The following SEMA3A variants were observed in gnomAD, a reference collection of about 807,000 sequenced individuals.
SEMA3A encodes the protein semaphorin-3A.
A neutral mutation model predicts 97.9 loss-of-function variants in SEMA3A; 29 were observed. The observed-to-expected ratio is 0.30, with a 90% CI of 0.22 to 0.40. SEMA3A has a LOEUF of 0.40. Ranked by LOEUF, SEMA3A falls within the 10% of genes least tolerant of loss-of-function variation. SEMA3A has a pLI of 1.00. For synonymous variants in SEMA3A, 321 were observed against 323.7 expected (o/e 0.99, Z 0.09); for missense variants, 763 against 951.3 (o/e 0.80, Z 2.60).
chr7:84,321,882 A>AT, intron 2 of SEMA3A, among the ~76,000 whole-genome samples: 1 of 133,762 alleles, frequency 7.5e-6, no homozygotes, highest in South Asian at 2.5e-4. Context: ...GAAAAAAAAA[A>AT]AAAAAAAAAA....
At chr7:83,989,470 C>A (rs1376687305) in intron 12 of SEMA3A, among the ~76,000 whole-genome samples, 10 of 118,706 alleles carry the variant, frequency 8.4e-5, no homozygotes, top group Admixed American at 4.8e-4. Flanking sequence ...CTCCCCCCTC[C>A]CCCCACCCCA....
intron 2 of SEMA3A, among the ~76,000 whole-genome samples, chr7:84,353,034 T>G (rs1802472898): frequency 6.6e-6 from 1 of 151,822 alleles, no homozygotes; most frequent in South Asian, 2.1e-4. Context: ...GAATCTCAAG[T>G]CACAGATATA....
chr7:84,453,986 T>C (rs779768448), intron 1 of SEMA3A, among the ~76,000 whole-genome samples: 7 of 152,156 alleles, frequency 4.6e-5, no homozygotes, highest in African/African-American at 7.2e-5. Flanking sequence ...GGTGGACTTA[T>C]AAATTATTCT....
At chr7:84,395,798 G>C (rs1162277743) in intron 1 of SEMA3A, among the ~76,000 whole-genome samples, 1 of 152,082 alleles carries the variant, frequency 6.6e-6, no homozygotes, top group East Asian at 1.9e-4. Flanking sequence ...TCTCAGCCAT[G>C]CAGTACTGTG....
chr7:84,276,316 C>T (rs931479265), intron 3 of SEMA3A, among the ~76,000 whole-genome samples: 2 of 151,996 alleles, frequency 1.3e-5, no homozygotes, highest in African/African-American at 2.4e-5. Flanking sequence ...CCTTTTAACC[C>T]TTATGTCTCT....
intron 1 of SEMA3A, among the ~76,000 whole-genome samples, chr7:84,482,864 G>GTTTTT (rs11396239): frequency 1.8e-4 from 25 of 139,864 alleles, no homozygotes; most frequent in African/African-American, 5.2e-4. Context: ...CAAAATTCTA[G>GTTTTT]TTTTTTTTTT....
intron 13 of SEMA3A, among the ~76,000 whole-genome samples, chr7:83,983,410 G>A (rs565820851): frequency 1.4e-5 from 2 of 147,310 alleles, no homozygotes; most frequent in Non-Finnish European, 3.0e-5. Context: ...TCTCTGTTTC[G>A]CCAATAACGT....
intron 1 of SEMA3A, among the ~76,000 whole-genome samples, chr7:84,411,101 CAGAG>C (rs1804252063): frequency 6.6e-6 from 1 of 151,888 alleles, no homozygotes; most frequent in South Asian, 2.1e-4. Context: ...GTTTATGAGA[CAGAG>C]GGAGAGAAAA....
intron 4 of SEMA3A, among the ~76,000 whole-genome samples, chr7:84,065,895 A>T (rs1172887320): frequency 6.6e-6 from 1 of 151,798 alleles, no homozygotes; most frequent in Non-Finnish European, 1.5e-5. Context: ...ATAGAAAAAG[A>T]GGGAATCCTC....
intron 3 of SEMA3A, among the ~76,000 whole-genome samples, chr7:84,244,565 T>G (rs1298664711): frequency 6.6e-6 from 1 of 152,190 alleles, no homozygotes; most frequent in African/African-American, 2.4e-5. Context: ...TGTCTTTTAA[T>G]TGGGGCATTT....
chr7:84,116,125 A>G (rs191977932), intron 3 of SEMA3A, among the ~76,000 whole-genome samples: 1 of 152,222 alleles, frequency 6.6e-6, no homozygotes, highest in Admixed American at 6.5e-5. Context: ...TTTCTACCCC[A>G]TCTTGCCTAA....
At chr7:84,468,670 C>G (rs1806065853) in intron 1 of SEMA3A, among the ~76,000 whole-genome samples, 2 of 151,922 alleles carry the variant, frequency 1.3e-5, no homozygotes. Context: ...TAATATCAGT[C>G]AAGAAGAATG....
At chr7:84,265,493 T>TTA (rs1238081869) in intron 3 of SEMA3A, among the ~76,000 whole-genome samples, 59 of 147,374 alleles carry the variant, frequency 4.0e-4, no homozygotes, top group Non-Finnish European at 1.5e-5. Context: ...ATAAAATATA[T>TTA]TATATATCAT....
intron 3 of SEMA3A, among the ~76,000 whole-genome samples, chr7:84,304,144 G>A (rs1345732078): frequency 6.6e-6 from 1 of 152,132 alleles, no homozygotes; most frequent in African/African-American, 2.4e-5. Flanking sequence ...GCATTCAAAA[G>A]AAGCTCCTCA....
chr7:84,431,947 T>C (rs185642656), intron 1 of SEMA3A, among the ~76,000 whole-genome samples: 2 of 152,152 alleles, frequency 1.3e-5, no homozygotes, highest in East Asian at 3.9e-4. Context: ...TCTGGTGAGT[T>C]CAGGGCAGGT....
chr7:84,487,958 A>T (rs372888840), intron 1 of SEMA3A, among the ~76,000 whole-genome samples: 1 of 152,064 alleles, frequency 6.6e-6, no homozygotes, highest in Non-Finnish European at 1.5e-5. Flanking sequence ...GAACTTCCTC[A>T]TGTTCATTCC....
chr7:84,234,126 G>GGGTGTTA (rs1330893201), intron 3 of SEMA3A, among the ~76,000 whole-genome samples: 3 of 151,958 alleles, frequency 2.0e-5, no homozygotes, highest in Admixed American at 6.6e-5. Flanking sequence ...AGGGGATGGG[G>GGGTGTTA]GGTGTTAGTG....
intron 4 of SEMA3A, among the ~76,000 whole-genome samples, chr7:84,107,701 G>A (rs1795152441): frequency 1.3e-5 from 2 of 152,132 alleles, no homozygotes; most frequent in African/African-American, 4.8e-5. Flanking sequence ...CACCCATACA[G>A]CAGCAATGAG....
intron 1 of SEMA3A, among the ~76,000 whole-genome samples, chr7:84,414,197 G>A (rs1393432089): frequency 1.3e-5 from 2 of 151,754 alleles, no homozygotes; most frequent in African/African-American, 4.8e-5. Flanking sequence ...CACCATTTTT[G>A]TTTGAAATCT....
Sources: allele counts gnomAD v4.1 joint callset (sites outside exome capture counted in the v4.1 genomes callset), GRCh38; gene constraint gnomAD v4.1.1; transcripts MANE v1.5; gene names NCBI Gene and HGNC (gene_info 2026-07-23, HGNC 2026-07-21).